KIAA1217: variants seen among roughly 807,000 people sequenced by gnomAD.
KIAA1217 encodes the protein KIAA1217, also known as sickle tail protein homolog.
KIAA1217 carries 88 observed loss-of-function variants against 163.9 expected under a neutral mutation model. The observed-to-expected ratio is 0.54, with a 90% CI of 0.45 to 0.64. KIAA1217 has a LOEUF of 0.64. Among genes scored for constraint, KIAA1217 ranks in the 30% least tolerant of loss-of-function variants. The pLI is 0.00. For synonymous variants in KIAA1217, 903 were observed against 923.1 expected (o/e 0.98, Z 0.39); for missense variants, 2,372 against 2,475.0 (o/e 0.96, Z 0.88).
intron 2 of KIAA1217, among the ~76,000 whole-genome samples, chr10:24,149,866 T>C (rs867758385): frequency 5.3e-5 from 8 of 151,824 alleles, no homozygotes; most frequent in Non-Finnish European, 5.9e-5. Context: ...ACCCCCAAAA[T>C]AAGTGCAACT....
intron 1 of KIAA1217, among the ~76,000 whole-genome samples, chr10:23,989,888 T>C (rs1028633513): frequency 6.6e-5 from 10 of 152,212 alleles, no homozygotes; most frequent in African/African-American, 2.4e-4. Context: ...TTTTTGAGCC[T>C]CTTTTCTAGT....
intron 2 of KIAA1217, chr10:24,239,311 GCCTCA>G (rs1312008256): frequency 1.0e-6 from 1 of 985,118 alleles, no homozygotes; most frequent in Non-Finnish European, 1.2e-6. Context: ...TTTAACTGCC[GCCTCA>G]CCTGTGGAGC....
At chr10:24,323,118 TA>T (rs35831396) in intron 2 of KIAA1217, among the ~76,000 whole-genome samples, 68,778 of 148,480 alleles carry the variant, frequency 0.46, 16,973 homozygotes, top group Middle Eastern at 0.63. Context: ...CCCAGCTAAT[TA>T]AAAAAAAAAA....
chr10:24,520,651 A>AAAAAT (rs1554926857), intron 11 of KIAA1217, among the ~76,000 whole-genome samples: 2 of 39,660 alleles, frequency 5.0e-5, no homozygotes, highest in African/African-American at 8.8e-5. Context: ...AAAAAAAAAA[A>AAAAAT]ATATATATAT....
At chr10:24,135,936 T>G (rs2063816801) in intron 2 of KIAA1217, among the ~76,000 whole-genome samples, 1 of 152,218 alleles carries the variant, frequency 6.6e-6, no homozygotes, top group Non-Finnish European at 1.5e-5. Flanking sequence ...ACTTTCATGC[T>G]GAAAACAGGA....
chr10:24,477,223 T>C (rs1050460645), intron 6 of KIAA1217, among the ~76,000 whole-genome samples: 2 of 152,214 alleles, frequency 1.3e-5, no homozygotes, highest in Non-Finnish European at 2.9e-5. Context: ...GAATGGCACC[T>C]ATCATTTATT....
chr10:24,401,290 A>G (rs2056498646), intron 3 of KIAA1217, among the ~76,000 whole-genome samples: 1 of 152,062 alleles, frequency 6.6e-6, no homozygotes, highest in Non-Finnish European at 1.5e-5. Flanking sequence ...TTTACCATTC[A>G]CAGACTCACT....
chr10:23,911,936 G>A (rs535924354), intron 1 of KIAA1217, among the ~76,000 whole-genome samples: 86 of 152,224 alleles, frequency 5.6e-4, no homozygotes, highest in Middle Eastern at 3.4e-3. Context: ...GGCAGGATGA[G>A]TACAAATCAT....
chr10:24,025,319 G>A (rs12356242), intron 2 of KIAA1217, among the ~76,000 whole-genome samples: 29,623 of 151,470 alleles, frequency 0.2, 3,470 homozygotes, highest in Middle Eastern at 0.38. Context: ...AAAATCAATT[G>A]ACCACATATG....
chr10:24,288,324 T>C (rs900844757), intron 2 of KIAA1217, among the ~76,000 whole-genome samples: 8 of 152,266 alleles, frequency 5.3e-5, no homozygotes, highest in Non-Finnish European at 1.0e-4. Flanking sequence ...TTTTGGTGAA[T>C]TTAAGCTTCC....
intron 1 of KIAA1217, among the ~76,000 whole-genome samples, chr10:23,699,070 C>T (rs1031811701): frequency 1.3e-5 from 2 of 150,638 alleles, no homozygotes; most frequent in African/African-American, 5.0e-5. Context: ...TTCTCTCTGG[C>T]TCACACCGTC....
intron 1 of KIAA1217, among the ~76,000 whole-genome samples, chr10:23,893,583 G>T (rs950103512): frequency 1.8e-4 from 27 of 151,940 alleles, no homozygotes; most frequent in Admixed American, 3.9e-4. Context: ...ATTGTGATGT[G>T]AGGGTGTCAA....
chr10:24,484,243 T>TATATATATATA (rs1564772271), intron 6 of KIAA1217, among the ~76,000 whole-genome samples: 3 of 45,942 alleles, frequency 6.5e-5, no homozygotes, highest in African/African-American at 1.5e-4. Context: ...ATATATATAT[T>TATATATATATA]TTTTTTTTTT....
chr10:24,185,752 G>A (rs1272824110), intron 2 of KIAA1217, among the ~76,000 whole-genome samples: 2 of 151,518 alleles, frequency 1.3e-5, no homozygotes, highest in Non-Finnish European at 2.9e-5. Flanking sequence ...CTGAGATGGC[G>A]CCACTGCACT....
At position 24,231,315 on chromosome 10, in the gene KIAA1217, C is replaced by A. The variant is rs77994660; in HGVS notation, c.354+11406C>A. On this transcript the variant is annotated intron_variant, in intron 2 of 20. Transcript: ENST00000376454. ...TGGGTAACGGAGTGCGACTCTGTCT[C>A]AAAAATAAATAAGTAAATAATAAAG... Among the ~76,000 whole-genome samples, 448 of 152,014 alleles carry A rather than the reference C, an allele frequency of 2.9e-3. 9 individuals carry two copies. In the East Asian group the frequency reaches 0.054, roughly 18 times the overall value.
At position 23,785,619 on chromosome 10, in the gene KIAA1217, T is replaced by C. The variant is rs546033648; in HGVS notation, c.-321+90385T>C. ...TAACTCCCCTCTGCCACTTGTTTTC[T>C]GAACATGGACATGTTATTTAACCAT... On this transcript the variant is annotated intron_variant, in intron 1 of 18. Coordinates refer to the KIAA1217 transcript ENST00000376462. 7.2e-5 allele frequency among the ~76,000 whole-genome samples: 11 copies of C among 152,286 alleles called. No individual in the cohort carries two copies. The South Asian group carries it at 1.2e-3, about 17-fold the overall frequency.
chr10:24,432,889 C>A, intron 3 of KIAA1217, 106 bp from the exon 4 acceptor site: 1 of 803,426 alleles, frequency 1.2e-6, no homozygotes. Context: ...GCTTGCCAAG[C>A]TTGTCCTGAA....
intron 1 of KIAA1217, among the ~76,000 whole-genome samples, chr10:23,842,357 G>A (rs180874265): frequency 6.6e-6 from 1 of 152,274 alleles, no homozygotes; most frequent in East Asian, 1.9e-4. Flanking sequence ...AATTGGCTGA[G>A]TGTGAGTTGG....
intron 2 of KIAA1217, among the ~76,000 whole-genome samples, chr10:24,260,653 G>A (rs912685454): frequency 2.6e-5 from 4 of 151,264 alleles, no homozygotes; most frequent in Admixed American, 6.6e-5. Flanking sequence ...GCTGAGGCGG[G>A]AGGATCACTT....
Sources: gnomAD v4.1 joint callset for allele counts (sites outside exome capture counted in the v4.1 genomes callset) on GRCh38, gnomAD v4.1.1 for gene constraint, MANE v1.5 for transcripts, NCBI Gene and HGNC (gene_info 2026-07-23, HGNC 2026-07-21) for gene names.